RASA2: variants seen among roughly 807,000 people sequenced by gnomAD.
RASA2 encodes RAS p21 protein activator 2.
Under a neutral mutation model 118.2 loss-of-function variants are expected in RASA2, and 155 were observed. The observed-to-expected ratio is 1.31, with a 90% confidence interval of 1.15 to 1.50. RASA2 has a LOEUF of 1.50. RASA2 is among the 40% of genes most tolerant of loss of function. The pLI, the probability that RASA2 is intolerant of heterozygous loss-of-function variation, is 0.00. For missense variants in RASA2, 1,016 were observed against 1,009.6 expected, an observed-to-expected ratio of 1.01 and a Z score of -0.09; for synonymous variants, 353 against 349.1, an observed-to-expected ratio of 1.01 and a Z score of -0.12.
chr3:141,575,747 G>A (rs1195336363), intron 14 of RASA2, among the ~76,000 whole-genome samples: 1 of 152,146 alleles, frequency 6.6e-6, no homozygotes, highest in African/African-American at 2.4e-5. Flanking sequence ...TTTAATTCTT[G>A]TTTATATAAA....
rs1012958145 is a variant in RASA2, at chr3:141,584,891, T to TA, written c.1753-1134_1753-1133insA. 1.1e-4 allele frequency among the ~76,000 whole-genome samples: 16 copies of TA among 151,890 alleles called. No individual in the cohort carries two copies. In the East Asian group the frequency reaches 1.5e-3, roughly 15 times the overall value. Reference sequence around the variant, plus strand: ...TTCATTCTCTCTCTCTCCATATATATTTTTTTTAACTGATTGAGCATCCCT... The same window carrying TA: ...TTCATTCTCTCTCTCTCCATATATATATTTTTTTAACTGATTGAGCATCCCT... On this transcript the variant is annotated intron_variant, in intron 17 of 23. Coordinates refer to ENST00000286364, the MANE Select transcript of RASA2 (RefSeq NM_006506.5).
intron 4 of RASA2, among the ~76,000 whole-genome samples, chr3:141,531,778 TG>T (rs1158169555): frequency 2.0e-5 from 3 of 152,022 alleles, no homozygotes; most frequent in African/African-American, 4.8e-5. Flanking sequence ...AAGTACTTTG[TG>T]GGGTGGAAGA....
intron 19 of RASA2, among the ~76,000 whole-genome samples, chr3:141,605,165 TC>T (rs990050666): frequency 1.2e-4 from 18 of 152,160 alleles, no homozygotes; most frequent in African/African-American, 4.1e-4. Flanking sequence ...TTTTCTTTTT[TC>T]TTCCATCCTG....
chr3:141,519,898 T>C (rs759027347), intron 3 of RASA2, among the ~76,000 whole-genome samples: 3 of 152,026 alleles, frequency 2.0e-5, no homozygotes, highest in Non-Finnish European at 2.9e-5. Flanking sequence ...GCTGGAGATA[T>C]GAACAGAATA....
At position 141,574,008 on chromosome 3, in the gene RASA2, C is replaced by G; in HGVS notation, c.1424C>G (p.Pro475Arg). 1.3e-6 allele frequency: 2 copies of G among 1,588,842 alleles called. No homozygotes were observed. Among genetic ancestry groups the G allele is most frequent in the Non-Finnish European group, 1.7e-6 (2 of 1,161,768 alleles). ...NTIVKSSMSC[P>R]TVMCDIFYSL... ...ATTGTAAAATCAAGTATGAGCTGCC[C>G]CACTGTAATGTGTGATATCTTTTAT... Residue 475 changes from proline to arginine, a missense_variant, in exon 14 of 24, where the codon CCC becomes CGC. Physicochemically the swap from Pro to Arg is moderately radical, Grantham distance 103. Transcript: ENST00000286364.
intron 2 of RASA2, among the ~76,000 whole-genome samples, chr3:141,513,182 G>T (rs2081977677): frequency 6.8e-6 from 1 of 147,994 alleles, no homozygotes; most frequent in Admixed American, 6.7e-5. Context: ...TAGGTCAGTT[G>T]TATTTTAGGG....
intron 3 of RASA2, among the ~76,000 whole-genome samples, chr3:141,519,969 G>C (rs546509121): frequency 6.6e-6 from 1 of 151,098 alleles, no homozygotes; most frequent in Non-Finnish European, 1.5e-5. Flanking sequence ...AGACTACATA[G>C]GTAGGAAAAA....
At chr3:141,610,188 C>G in intron 23 of RASA2, 122 bp downstream of exon 23, 2 of 783,102 alleles carry the variant, frequency 2.6e-6, no homozygotes, top group Non-Finnish European at 3.7e-6. Flanking sequence ...GGGCCATTCT[C>G]TGGTGCAAGT....
intron 3 of RASA2, among the ~76,000 whole-genome samples, chr3:141,518,953 G>A (rs1005096014): frequency 2.0e-5 from 3 of 152,016 alleles, no homozygotes; most frequent in Non-Finnish European, 4.4e-5. Context: ...TTATAGAAAA[G>A]TGTTTTATTT....
At chr3:141,562,669 A>G (rs914267869) in intron 9 of RASA2, among the ~76,000 whole-genome samples, 1 of 149,222 alleles carries the variant, frequency 6.7e-6, no homozygotes, top group Non-Finnish European at 1.5e-5. Flanking sequence ...AAAAACCAGA[A>G]ATAACGTTAA....
At chr3:141,555,000 G>T (rs1433087156) in intron 6 of RASA2, among the ~76,000 whole-genome samples, 1 of 152,130 alleles carries the variant, frequency 6.6e-6, no homozygotes, top group Non-Finnish European at 1.5e-5. Flanking sequence ...GGTGGCTCAC[G>T]CCTGTAATCC....
intron 4 of RASA2, among the ~76,000 whole-genome samples, chr3:141,534,500 A>G (rs1383104083): frequency 6.6e-6 from 1 of 152,174 alleles, no homozygotes; most frequent in Non-Finnish European, 1.5e-5. Context: ...ACCATGTCCT[A>G]TATGATGCAA....
chr3:141,517,635 A>G (rs1041614356), intron 3 of RASA2, among the ~76,000 whole-genome samples: 24 of 152,264 alleles, frequency 1.6e-4, no homozygotes, highest in African/African-American at 4.6e-4. Flanking sequence ...GAGTCAAACC[A>G]TATCGGTGAC....
In RASA2 at chr3:141,556,023, T is replaced by C. The variant is rs3773839; in HGVS notation, c.684+111T>C. On this transcript the variant is annotated intron_variant, in intron 7 of 23. Coordinates refer to ENST00000286364, the MANE Select transcript of RASA2 (RefSeq NM_006506.5). ...TAATCATTTTATCAATTAATGCAGA[T>C]AAGCATTTCTCTCCTGAAAGCAGTA... 1,649 of 816,802 alleles carry C rather than the reference T, an allele frequency of 2.0e-3. 19 individuals carry two copies. In the East Asian group the frequency reaches 0.02, roughly 10 times the overall value. The allele number at this position is 816,802 out of a possible 1,614,324, so 50.6% of individuals were successfully genotyped here. A position where few individuals can be genotyped will look rare whatever the true frequency, so the allele number is the denominator to read the frequency against.
chr3:141,555,929 C>A lies in RASA2; in HGVS notation c.684+17C>A, dbSNP rs759787978. The A allele has an allele frequency of 1.3e-6, 2 of 1,563,986 alleles. No individual in the cohort carries two copies. The highest frequency in any genetic ancestry group is 1.8e-6 in the Non-Finnish European group (2 of 1,140,736). On this transcript the variant is annotated intron_variant, in intron 7 of 23. Transcript: ENST00000286364. ...TATTTTGAGGTAATTTTTTGTTTTA[C>A]GTAAATGTTAACATTAAATATGTAA...
intron 19 of RASA2, among the ~76,000 whole-genome samples, chr3:141,600,983 C>G (rs556621036): frequency 6.6e-6 from 1 of 152,176 alleles, no homozygotes; most frequent in African/African-American, 2.4e-5. Flanking sequence ...AAGAAACACA[C>G]ACATAAATAT....
At chr3:141,567,227 C>T (rs1053267772) in intron 9 of RASA2, among the ~76,000 whole-genome samples, 23 of 152,014 alleles carry the variant, frequency 1.5e-4, no homozygotes, top group Admixed American at 7.2e-4. Context: ...ACCAGCCTGG[C>T]CAACATAGTG....
At chr3:141,550,038 A>AT (rs2082549918) in intron 5 of RASA2, among the ~76,000 whole-genome samples, 1 of 152,216 alleles carries the variant, frequency 6.6e-6, no homozygotes, top group Non-Finnish European at 1.5e-5. Flanking sequence ...GAAAGGACTG[A>AT]TTTTTCCTAT....
At chr3:141,542,042 GT>G (rs1407695276) in intron 5 of RASA2, among the ~76,000 whole-genome samples, 1 of 151,604 alleles carries the variant, frequency 6.6e-6, no homozygotes, top group Non-Finnish European at 1.5e-5. Context: ...CAATTTAAGG[GT>G]TTTTTTGTGC....
Sources: gnomAD v4.1 joint callset for allele counts (sites outside exome capture counted in the v4.1 genomes callset) on GRCh38, gnomAD v4.1.1 for gene constraint, MANE v1.5 for transcripts, NCBI Gene and HGNC (gene_info 2026-07-23, HGNC 2026-07-21) for gene names.